AP1G1: variants seen among roughly 807,000 people sequenced by gnomAD.
AP1G1 encodes AP-1 complex subunit gamma-1.
In AP1G1, 7 loss-of-function variants were observed where a neutral mutation model predicts 108.3. That is an observed-to-expected ratio of 0.06 (90% CI 0.04 to 0.12). AP1G1 has a LOEUF of 0.12. Among genes scored for constraint, AP1G1 ranks in the 10% least tolerant of loss-of-function variants. AP1G1 has a pLI of 1.00. For missense variants in AP1G1, 756 were observed against 1,010.7 expected (o/e 0.75, Z 3.42); for synonymous variants, 379 against 353.5 (o/e 1.07, Z -0.81).
rs1198495412 is a variant in AP1G1, at chr16:71,732,185, A to G, written c.*873T>C. On this transcript the variant is annotated 3_prime_UTR_variant, in exon 23 of 23. Transcript: ENST00000299980. ...TGTGGTGGGAATAGGGTCATTAATA[A>G]CTATGAATATATCTTTTAGAAGGTG... 6.6e-6 allele frequency: 1 copy of G among 152,312 alleles called. No homozygotes were observed. The highest frequency in any genetic ancestry group is 2.4e-5 in the African/African-American group (1 of 41,474). The allele number at this position is 152,312 out of a possible 1,614,324, so 9.4% of individuals were successfully genotyped here. A position where few individuals can be genotyped will look rare whatever the true frequency, so the allele number is the denominator to read the frequency against.
chr16:71,768,500 C>CAAA (rs527404594), intron 6 of AP1G1, among the ~76,000 whole-genome samples: 6 of 83,734 alleles, frequency 7.2e-5, no homozygotes, highest in African/African-American at 1.5e-4. Flanking sequence ...GACTCCGCCA[C>CAAA]AAAAAAAAAA....
intron 19 of AP1G1, among the ~76,000 whole-genome samples, chr16:71,744,169 G>A (rs12922859): frequency 0.5 from 75,069 of 151,460 alleles, 18,901 homozygotes; most frequent in Middle Eastern, 0.65. Context: ...GCTTGAACCC[G>A]GGAGGCGGAG....
intron 1 of AP1G1, chr16:71,808,218 A>C (rs937777416): frequency 1.8e-6 from 2 of 1,099,762 alleles, no homozygotes; most frequent in Middle Eastern, 4.3e-4. Context: ...ATATACACAC[A>C]CACACGAAAA....
At chr16:71,739,722 G>C (rs770884843) in intron 19 of AP1G1, among the ~76,000 whole-genome samples, 10 of 150,738 alleles carry the variant, frequency 6.6e-5, no homozygotes, top group Non-Finnish European at 1.5e-4. Flanking sequence ...ACTCCAGCCT[G>C]GGGGACAGAG....
intron 2 of AP1G1, chr16:71,777,609 C>T (rs1187517017): frequency 4.8e-6 from 2 of 419,604 alleles, no homozygotes; most frequent in African/African-American, 2.1e-5. Flanking sequence ...GCGGTCATGC[C>T]GATGCCCCAT....
intron 1 of AP1G1, among the ~76,000 whole-genome samples, chr16:71,800,729 AG>A (rs2032765919): frequency 1.3e-5 from 2 of 152,024 alleles, no homozygotes; most frequent in Non-Finnish European, 2.9e-5. Context: ...TGAACCTGGG[AG>A]GCAGAACTTG....
chr16:71,732,886 G>A lies in AP1G1; in HGVS notation c.*172C>T, dbSNP rs992369333. The A allele has an allele frequency of 4.6e-5, 27 of 583,510 alleles. No homozygotes were observed. Among genetic ancestry groups the A allele is most frequent in the African/African-American group, 1.9e-5 (1 of 53,408 alleles). 36.1% of individuals were successfully genotyped at this position (583,510 alleles called of 1,614,324 possible). The stretch of plus-strand genomic sequence containing the variant: ...CTCAACAGTGGAGGAGAGGACATTA[G>A]TCTTTAACAATGCTTCAAGGTCAGC... On this transcript the variant is annotated 3_prime_UTR_variant, in exon 23 of 23. Coordinates refer to ENST00000299980, the MANE Select transcript of AP1G1 (RefSeq NM_001128.6).
rs186018491 is a variant in AP1G1 at position 71,729,984 on chromosome 16, T to C, written c.*3074A>G. The C allele has an allele frequency of 1.1e-4, 17 of 152,646 alleles. No homozygotes were observed. Among genetic ancestry groups the C allele is most frequent in the African/African-American group, 3.8e-4 (16 of 41,578 alleles). 9.5% of individuals were successfully genotyped at this position (152,646 alleles called of 1,614,324 possible). On this transcript the variant is annotated 3_prime_UTR_variant, in exon 23 of 23. Transcript: ENST00000299980. Reference sequence around the variant, plus strand: ...CATAAAAAAAATGGGAAGCATGTTATATAAACCATTAGTGTTGGACAGTTT... The same window carrying C: ...CATAAAAAAAATGGGAAGCATGTTACATAAACCATTAGTGTTGGACAGTTT...
chr16:71,743,928 A>G, intron 19 of AP1G1, among the ~76,000 whole-genome samples: 1 of 130,512 alleles, frequency 7.7e-6, no homozygotes, highest in East Asian at 2.4e-4. Flanking sequence ...CCTGGGTGAC[A>G]GAGTGAGACT....
At chr16:71,749,181 T>C (rs900609501) in intron 15 of AP1G1, among the ~76,000 whole-genome samples, 12 of 151,752 alleles carry the variant, frequency 7.9e-5, no homozygotes, top group African/African-American at 2.2e-4. Flanking sequence ...CCTCCCAAAG[T>C]GCTGGGATTA....
chr16:71,794,565 G>A (rs915529721), intron 1 of AP1G1, among the ~76,000 whole-genome samples: 1 of 151,842 alleles, frequency 6.6e-6, no homozygotes, highest in South Asian at 2.1e-4. Flanking sequence ...ATTCATTTTA[G>A]AAAAATTTCT....
intron 10 of AP1G1, 60 bp downstream of exon 10, chr16:71,761,452 C>T (rs1001843392): frequency 1.0e-5 from 12 of 1,177,042 alleles, no homozygotes; most frequent in Middle Eastern, 2.2e-4. Flanking sequence ...TGAGCAGAAT[C>T]GCTCTTAAAA....
chr16:71,787,014 G>A (rs1281610442), intron 2 of AP1G1, among the ~76,000 whole-genome samples: 1 of 151,956 alleles, frequency 6.6e-6, no homozygotes. Context: ...AACAGAGTGA[G>A]ATCCCGTCTC....
At chr16:71,806,756 G>C (rs1224869099) in intron 1 of AP1G1, 1 of 1,275,736 alleles carries the variant, frequency 7.8e-7, no homozygotes, top group Admixed American at 2.4e-5. Context: ...AAATTCCATT[G>C]CTTCAGGGTA....
In AP1G1 at chr16:71,808,820, A is replaced by G. The variant is rs1355035861; in HGVS notation, c.-61T>C. ...CGGGGGCGGCGGCAGCAGTGGCAGC[A>G]GGAACCGAACATCCAAAATGGCGGC... On this transcript the variant is annotated 5_prime_UTR_variant, in exon 1 of 23. Coordinates refer to ENST00000299980, the MANE Select transcript of AP1G1 (RefSeq NM_001128.6). 3.1e-6 allele frequency: 4 copies of G among 1,289,734 alleles called. No homozygotes were observed. Among genetic ancestry groups the G allele is most frequent in the Non-Finnish European group, 4.0e-6 (4 of 988,804 alleles). The allele number at this position is 1,289,734 out of a possible 1,614,324, so 79.9% of individuals were successfully genotyped here.
chr16:71,778,164 A>G (rs1357468635), intron 2 of AP1G1, among the ~76,000 whole-genome samples: 1 of 152,248 alleles, frequency 6.6e-6, no homozygotes, highest in Non-Finnish European at 1.5e-5. Flanking sequence ...GAAAAGCTGA[A>G]ATTTAAAGGG....
chr16:71,753,980 C>T, intron 12 of AP1G1, 93 bp from the exon 13 acceptor site: 2 of 1,200,860 alleles, frequency 1.7e-6, no homozygotes, highest in Non-Finnish European at 2.5e-6. Flanking sequence ...TGACTCACAC[C>T]TGTCATCCCA....
rs1173018152 is a variant in AP1G1, at chr16:71,773,257, C to A, written c.432G>T (p.Lys144Asn). 6.2e-7 allele frequency: 1 copy of A among 1,613,632 alleles called. No homozygotes were observed. The highest frequency in any genetic ancestry group is 8.5e-7 in the Non-Finnish European group (1 of 1,179,916). The change falls in exon 4 of 23, where the codon AAG (lysine) becomes AAT (asparagine). Residue 144 changes from lysine to asparagine, a missense_variant. Lys to Asn is a moderately conservative substitution (Grantham distance 94). This residue lies in a region of AP1G1 where 304 missense variants were observed against 483.6 expected (regional missense o/e 0.63). Coordinates refer to ENST00000299980, the MANE Select transcript of AP1G1 (RefSeq NM_001128.6). ...AGTAAGAGTTGGAGGTTTTCAGGAG[C>A]TTCTCTACCTCTCCTGCAAGATCTC... Reference protein sequence around the residue: ...MCRDLAGEVEKLLKTSNSYLR... With the variant: ...MCRDLAGEVENLLKTSNSYLR...
chr16:71,735,777 G>A (rs1264742285), intron 21 of AP1G1, among the ~76,000 whole-genome samples: 1 of 151,704 alleles, frequency 6.6e-6, no homozygotes. Flanking sequence ...TAAAATATTT[G>A]AGAGAGAGAG....
Sources: gnomAD v4.1 joint callset for allele counts (sites outside exome capture counted in the v4.1 genomes callset) on GRCh38, gnomAD v4.1.1 for gene constraint, gnomAD v4.1.1 regional missense constraint, MANE v1.5 for transcripts, NCBI Gene and HGNC (gene_info 2026-07-23, HGNC 2026-07-21) for gene names.